Variants in ASTN1 observed in about 807,000 individuals in gnomAD.
The protein encoded by ASTN1 is astrotactin-1.
ASTN1 carries 41 observed loss-of-function variants against 140.7 expected under a neutral mutation model. The ratio of observed to expected loss-of-function variants is 0.29; its 90% CI spans 0.23 to 0.38. The LOEUF is 0.38. Among genes scored for constraint, ASTN1 ranks in the 10% least tolerant of loss-of-function variants. The pLI, the probability that ASTN1 is intolerant of heterozygous loss-of-function variation, is 1.00. For missense variants in ASTN1, 1,479 were observed against 1,678.8 expected (o/e 0.88, Z 2.08); for synonymous variants, 640 against 652.2 (o/e 0.98, Z 0.29).
At chr1:177,087,255 C>T (rs952511494) in intron 1 of ASTN1, among the ~76,000 whole-genome samples, 5 of 152,088 alleles carry the variant, frequency 3.3e-5, no homozygotes, top group South Asian at 4.1e-4. Flanking sequence ...CAAGAAGCAC[C>T]GTGACTTGTG....
At chr1:177,096,875 C>T (rs1680050718) in intron 1 of ASTN1, among the ~76,000 whole-genome samples, 1 of 152,028 alleles carries the variant, frequency 6.6e-6, no homozygotes, top group South Asian at 2.1e-4. Context: ...ATACAATGCC[C>T]TTATAAAAGA....
intron 1 of ASTN1, among the ~76,000 whole-genome samples, chr1:177,140,313 G>C (rs1308486551): frequency 6.6e-6 from 1 of 151,920 alleles, no homozygotes; most frequent in African/African-American, 2.4e-5. Flanking sequence ...TCATAGTCCT[G>C]GATTATATGA....
At chr1:177,001,020 A>G (rs2101913213) in intron 8 of ASTN1, among the ~76,000 whole-genome samples, 1 of 152,342 alleles carries the variant, frequency 6.6e-6, no homozygotes, top group African/African-American at 2.4e-5. Flanking sequence ...GATAATTTAA[A>G]GATCCAATTA....
intron 16 of ASTN1, among the ~76,000 whole-genome samples, chr1:176,897,878 C>T (rs1444693469): frequency 1.3e-5 from 2 of 152,106 alleles, no homozygotes; most frequent in African/African-American, 2.4e-5. Context: ...CCTTTTCTCG[C>T]ACCTTAAATC....
intron 1 of ASTN1, among the ~76,000 whole-genome samples, chr1:177,120,526 C>A (rs891114911): frequency 1.3e-5 from 2 of 152,178 alleles, no homozygotes; most frequent in African/African-American, 4.8e-5. Flanking sequence ...GGCTAGTTCC[C>A]AGGAGTTACT....
chr1:177,155,711 C>T (rs775212740), intron 1 of ASTN1, among the ~76,000 whole-genome samples: 25 of 152,024 alleles, frequency 1.6e-4, no homozygotes, highest in East Asian at 5.8e-4. Context: ...AGATGATTCA[C>T]GAATTAGATG....
At chr1:176,908,132 A>AACAC (rs10669124) in intron 16 of ASTN1, among the ~76,000 whole-genome samples, 2,452 of 149,772 alleles carry the variant, frequency 0.016, 69 homozygotes, top group African/African-American at 0.053. Flanking sequence ...TCTCTTATGC[A>AACAC]ACACACACAC....
rs572431271 is a variant in ASTN1, at chr1:177,044,484, C to T, written c.472-11635G>A. 6.6e-5 allele frequency among the ~76,000 whole-genome samples: 10 copies of T among 152,294 alleles called. No homozygotes were observed. In the South Asian group the frequency reaches 8.3e-4, roughly 13 times the overall value. ...AGAACAGCCAAATGCTGGTTACTCC[C>T]GCCAGGACCTCGGGCGCAGGCCTGG... On this transcript the variant is annotated intron_variant, in intron 2 of 22. Transcript: ENST00000361833.
intron 1 of ASTN1, among the ~76,000 whole-genome samples, chr1:177,118,634 C>G (rs1403824334): frequency 2.0e-5 from 3 of 152,162 alleles, no homozygotes; most frequent in Non-Finnish European, 1.5e-5. Flanking sequence ...GTTTTCTAAT[C>G]CCCAAACAAA....
intron 1 of ASTN1, among the ~76,000 whole-genome samples, chr1:177,149,014 G>C (rs1021805865): frequency 2.1e-5 from 3 of 140,824 alleles, no homozygotes; most frequent in African/African-American, 5.2e-5. Context: ...ATCTAGAAGA[G>C]AGGAAGGAGA....
intron 16 of ASTN1, among the ~76,000 whole-genome samples, chr1:176,904,104 G>A (rs779705301): frequency 2.0e-5 from 3 of 152,136 alleles, no homozygotes; most frequent in Non-Finnish European, 2.9e-5. Flanking sequence ...CTGAGGTTCC[G>A]GGCAGGCATG....
At chr1:176,908,861 C>G (rs1458189063) in intron 16 of ASTN1, among the ~76,000 whole-genome samples, 2 of 152,128 alleles carry the variant, frequency 1.3e-5, no homozygotes, top group Non-Finnish European at 2.9e-5. Context: ...AAACAAGAAT[C>G]TCTATACACT....
intron 1 of ASTN1, among the ~76,000 whole-genome samples, chr1:177,149,518 A>ACAGT (rs1289616782): frequency 8.7e-5 from 7 of 80,376 alleles, no homozygotes; most frequent in African/African-American, 2.1e-4. Context: ...AAATATATAT[A>ACAGT]GTATATATAT....
Position 177,061,177 on chromosome 1 carries a change from G to C in ASTN1, c.372C>G (p.His124Gln). 1 of 1,611,222 alleles carries C rather than the reference G, an allele frequency of 6.2e-7. No individual in the cohort carries two copies. Among genetic ancestry groups the C allele is most frequent in the Non-Finnish European group, 8.5e-7 (1 of 1,178,780 alleles). The change falls in exon 2 of 23, where the codon CAC (histidine) becomes CAG (glutamine). Residue 124 changes from histidine to glutamine, a missense_variant. By Grantham distance (24) the His-to-Gln change is conservative. Coordinates refer to ENST00000361833, the MANE Select transcript of ASTN1 (RefSeq NM_004319.3). ...ENGTLLFHIH[H>Q]QDGAPSLPGQ... ...CAGGAAGGCTTGGGGCACCATCTTG[G>C]TGATGAATGTGAAAAAGCAAAGTGC... is the stretch of plus-strand genomic sequence containing the variant.
intron 1 of ASTN1, among the ~76,000 whole-genome samples, chr1:177,066,309 G>C (rs1022730571): frequency 6.6e-6 from 1 of 152,168 alleles, no homozygotes; most frequent in Non-Finnish European, 1.5e-5. Context: ...TTCTAAGAAA[G>C]ATAATTTAGA....
rs183340455 is a variant in ASTN1, at chr1:177,017,512, G to A, written c.1439-2637C>T. Among the ~76,000 whole-genome samples, 18 of 152,348 alleles carry A rather than the reference G, an allele frequency of 1.2e-4. No homozygotes were observed. The South Asian group carries it at 3.5e-3, about 30-fold the overall frequency. ...GGGGTTTCGTGAAAGCACAGGCTCCGACTGTTAGCTGTGAATTTTAAAGAC... is the reference window on the plus strand; with the variant it reads ...GGGGTTTCGTGAAAGCACAGGCTCCAACTGTTAGCTGTGAATTTTAAAGAC... On this transcript the variant is annotated intron_variant, in intron 7 of 22. Transcript: ENST00000361833.
intron 16 of ASTN1, among the ~76,000 whole-genome samples, chr1:176,919,338 T>C (rs1023468332): frequency 6.6e-6 from 1 of 152,218 alleles, no homozygotes; most frequent in Non-Finnish European, 1.5e-5. Context: ...TGTTTAACTG[T>C]AGATCATTAA....
intron 1 of ASTN1, among the ~76,000 whole-genome samples, chr1:177,116,205 C>T (rs185043114): frequency 4.5e-4 from 68 of 152,212 alleles, no homozygotes; most frequent in African/African-American, 1.5e-3. Flanking sequence ...CTCCTTTGAC[C>T]ACACAGCATT....
At chr1:177,163,130 G>A (rs1045573039) in intron 1 of ASTN1, among the ~76,000 whole-genome samples, 1 of 152,192 alleles carries the variant, frequency 6.6e-6, no homozygotes, top group Non-Finnish European at 1.5e-5. Context: ...AATTCCACAT[G>A]TGGCTCTAGC....
Sources: allele counts gnomAD v4.1 joint callset (sites outside exome capture counted in the v4.1 genomes callset), GRCh38; gene constraint gnomAD v4.1.1; transcripts MANE v1.5; gene names NCBI Gene and HGNC (gene_info 2026-07-23, HGNC 2026-07-21).